DEPDC5: variants seen among roughly 807,000 people sequenced by gnomAD.
DEPDC5 encodes the protein DEP domain containing 5, GATOR1 subcomplex subunit, also known as GATOR1 complex protein DEPDC5.
DEPDC5 carries 73 observed loss-of-function variants against 217.3 expected under a neutral mutation model. The observed-to-expected ratio is 0.34, with a 90% CI of 0.28 to 0.41. The LOEUF (loss-of-function observed/expected upper bound fraction) is 0.41, where lower values mean the gene tolerates loss of function less well. DEPDC5 is among the 10% of genes least tolerant of loss of function. DEPDC5 has a pLI of 1.00. For missense variants in DEPDC5, 1,675 were observed against 2,070.1 expected (o/e 0.81, Z 3.70); for synonymous variants, 733 against 756.7 (o/e 0.97, Z 0.51).
chr22:31,863,638 T>C (rs1415587328), intron 33 of DEPDC5, among the ~76,000 whole-genome samples: 1 of 152,200 alleles, frequency 6.6e-6, no homozygotes, highest in African/African-American at 2.4e-5. Context: ...CGTAAAACCC[T>C]GTCTGTAATT....
chr22:31,799,347 T>C (rs967859130), intron 14 of DEPDC5, among the ~76,000 whole-genome samples: 1 of 151,466 alleles, frequency 6.6e-6, no homozygotes, highest in African/African-American at 2.4e-5. Context: ...CTGGCCTTTT[T>C]TTTTTTTAAA....
At chr22:31,761,006 G>T (rs1306988053) in intron 4 of DEPDC5, among the ~76,000 whole-genome samples, 1 of 149,550 alleles carries the variant, frequency 6.7e-6, no homozygotes, top group African/African-American at 2.5e-5. Context: ...TTCTGAGACA[G>T]TGTCTTGTTC....
At chr22:31,841,427 A>G (rs1368515560) in intron 27 of DEPDC5, among the ~76,000 whole-genome samples, 1 of 152,260 alleles carries the variant, frequency 6.6e-6, no homozygotes, top group Non-Finnish European at 1.5e-5. Context: ...GACAAAATGC[A>G]CAAACAAAGC....
At chr22:31,833,587 T>C (rs1394795320) in intron 24 of DEPDC5, among the ~76,000 whole-genome samples, 1 of 152,206 alleles carries the variant, frequency 6.6e-6, no homozygotes, top group East Asian at 1.9e-4. Flanking sequence ...CCATTTATAT[T>C]CACTAAAGAT....
chr22:31,842,835 C>T (rs1485415421), intron 27 of DEPDC5, among the ~76,000 whole-genome samples: 2 of 152,152 alleles, frequency 1.3e-5, no homozygotes, highest in Non-Finnish European at 2.9e-5. Flanking sequence ...TCAGGTTGTT[C>T]AGCTTTGAGT....
At chr22:31,849,038 A>G (rs1311891978) in intron 31 of DEPDC5, among the ~76,000 whole-genome samples, 2 of 152,156 alleles carry the variant, frequency 1.3e-5, no homozygotes, top group African/African-American at 2.4e-5. Context: ...TCATATCACT[A>G]TCAGCATTTT....
intron 38 of DEPDC5, among the ~76,000 whole-genome samples, chr22:31,880,875 T>A (rs900535829): frequency 3.3e-5 from 5 of 151,584 alleles, no homozygotes; most frequent in Admixed American, 2.0e-4. Context: ...ATACAAAAAA[T>A]TAGCCAGGCG....
At chr22:31,769,508 C>T (rs1481035355) in intron 7 of DEPDC5, 1 of 152,144 alleles carries the variant, frequency 6.6e-6, no homozygotes, top group Non-Finnish European at 1.5e-5. Context: ...AAATGACTGG[C>T]ACATTGGCTC....
rs1032750443 is a variant in DEPDC5, at chr22:31,756,114, C to G, written c.58+1135C>G. ...CCCAGGCTGGTCTCGAACTCCTGAGCTCAGGCAATCCGCCCACCTTAGCCT... is the reference window on the plus strand; with the variant it reads ...CCCAGGCTGGTCTCGAACTCCTGAGGTCAGGCAATCCGCCCACCTTAGCCT... On this transcript the variant is annotated intron_variant, in intron 2 of 42. Coordinates refer to ENST00000651528, the MANE Select transcript of DEPDC5 (RefSeq NM_001242896.3). Among the ~76,000 whole-genome samples, 7 of 149,870 alleles carry G rather than the reference C, an allele frequency of 4.7e-5. 1 individual carries two copies. The highest frequency in any genetic ancestry group is 1.0e-4 in the Non-Finnish European group (7 of 67,838).
chr22:31,803,043 G>T (rs1203065747), intron 15 of DEPDC5, among the ~76,000 whole-genome samples: 1 of 152,140 alleles, frequency 6.6e-6, no homozygotes, highest in Non-Finnish European at 1.5e-5. Context: ...GCAAAGATAA[G>T]CAGGTTCCAT....
At chr22:31,845,833 A>G in intron 30 of DEPDC5, among the ~76,000 whole-genome samples, 1 of 151,132 alleles carries the variant, frequency 6.6e-6, no homozygotes, top group East Asian at 1.9e-4. Flanking sequence ...AACCATCACC[A>G]TCACTTCAAA....
In DEPDC5 at chr22:31,758,640, G is replaced by A. The variant is rs1238076689; in HGVS notation, c.146+7G>A. The A allele has an allele frequency of 6.2e-7, 1 of 1,612,916 alleles. No individual in the cohort carries two copies. Among genetic ancestry groups the A allele is most frequent in the South Asian group, 1.1e-5 (1 of 91,064 alleles). ...ACCCCAACGATGAATACAGGTGAGT[G>A]TCTCATAGGATCCATGGAACTGGGC... On this transcript the variant is annotated splice_region_variant and intron_variant, in intron 3 of 42. Transcript: ENST00000651528.
At chr22:31,889,563 TTTTC>T (rs1602784990) in intron 38 of DEPDC5, among the ~76,000 whole-genome samples, 2 of 143,782 alleles carry the variant, frequency 1.4e-5, no homozygotes, top group African/African-American at 5.1e-5. Context: ...TTTTTTTTTT[TTTTC>T]CAGACAGAGT....
intron 38 of DEPDC5, among the ~76,000 whole-genome samples, chr22:31,880,960 AGCCGAGATCGC>A (rs2093157051): frequency 6.6e-6 from 1 of 151,196 alleles, no homozygotes. Context: ...GCCTGCAGTG[AGCCGAGATCGC>A]GCCACTGTAC....
chr22:31,821,089 A>G (rs954204319), intron 22 of DEPDC5, among the ~76,000 whole-genome samples: 2 of 152,214 alleles, frequency 1.3e-5, no homozygotes, highest in African/African-American at 4.8e-5. Context: ...TTTTGCACTT[A>G]AACATCTTCT....
At chr22:31,858,951 C>T (rs1394725957) in intron 32 of DEPDC5, 3 of 152,260 alleles carry the variant, frequency 2.0e-5, no homozygotes, top group Non-Finnish European at 4.4e-5. Context: ...AGGCTGTGGG[C>T]AACTTGTAAA....
chr22:31,786,945 AT>A (rs1421270162), intron 10 of DEPDC5, among the ~76,000 whole-genome samples: 2 of 151,752 alleles, frequency 1.3e-5, no homozygotes, highest in Non-Finnish European at 2.9e-5. Context: ...TGCCCAGCTA[AT>A]TTTTTGTATT....
intron 12 of DEPDC5, among the ~76,000 whole-genome samples, chr22:31,796,779 C>T (rs940626613): frequency 6.6e-6 from 1 of 151,842 alleles, no homozygotes; most frequent in Non-Finnish European, 1.5e-5. Context: ...TCACTGAAAC[C>T]TCCGCCTCCT....
rs1457991619 is a variant in DEPDC5, at chr22:31,760,657, C to T, written c.148C>T (p.Pro50Ser). 6 of 1,612,994 alleles carry T rather than the reference C, an allele frequency of 3.7e-6. No homozygotes were observed. The highest frequency in any genetic ancestry group is 2.2e-5 in the East Asian group (1 of 44,860). Residue 50 changes from proline to serine, a missense_variant and splice_region_variant, in exon 4 of 43, where the codon CCT (proline) becomes TCT (serine). Pro to Ser is a moderately conservative substitution (Grantham distance 74, BLOSUM62 -1). Coordinates refer to ENST00000651528, the MANE Select transcript of DEPDC5 (RefSeq NM_001242896.3). ...EIAHPNDEYS[P>S]LLLQVKSLKE... Reference sequence around the variant, plus strand: ...CTCTCTTGTTGCTTTCTTTTTCAGCCCTCTGCTTTTGCAGGTCAAGTCTCT... The same window carrying T: ...CTCTCTTGTTGCTTTCTTTTTCAGCTCTCTGCTTTTGCAGGTCAAGTCTCT...
Sources: allele counts gnomAD v4.1 joint callset (sites outside exome capture counted in the v4.1 genomes callset), GRCh38; gene constraint gnomAD v4.1.1; transcripts MANE v1.5; gene names NCBI Gene and HGNC (gene_info 2026-07-23, HGNC 2026-07-21).